The following C10orf143 variants were observed in gnomAD, a reference collection of about 807,000 sequenced individuals.
The protein encoded by C10orf143 is uncharacterized protein C10orf143.
chr10:130,047,363 C>T (rs1244964598), intron 3 of C10orf143, among the ~76,000 whole-genome samples: 2 of 152,188 alleles, frequency 1.3e-5, no homozygotes, highest in African/African-American at 4.8e-5. Context: ...AGTCTGCTCC[C>T]TCGCTCTCTC....
chr10:130,091,779 T>G (rs1861386580), intron 1 of C10orf143, among the ~76,000 whole-genome samples: 1 of 151,942 alleles, frequency 6.6e-6, no homozygotes, highest in Non-Finnish European at 1.5e-5. Flanking sequence ...TACACAAGTA[T>G]CAACAGCCAA....
intron 3 of C10orf143, among the ~76,000 whole-genome samples, chr10:130,057,882 A>G (rs1047989378): frequency 6.6e-6 from 1 of 152,242 alleles, no homozygotes; most frequent in Non-Finnish European, 1.5e-5. Flanking sequence ...GAAACTGAGT[A>G]AGTGGCAGAG....
chr10:130,036,013 T>C (rs914675371), intron 3 of C10orf143: 4 of 152,238 alleles, frequency 2.6e-5, no homozygotes, highest in African/African-American at 9.7e-5. Flanking sequence ...GTTTCTCTTC[T>C]TATAAGGACA....
At chr10:130,068,600 A>C (rs1160929180) in intron 3 of C10orf143, 1 of 115,656 alleles carries the variant, frequency 8.6e-6, no homozygotes, top group Non-Finnish European at 1.7e-5. Context: ...AACGAGAGCA[A>C]AACTCCATCT....
chr10:130,106,854 AT>A (rs1861657701), intron 1 of C10orf143: 1 of 1,145,578 alleles, frequency 8.7e-7, no homozygotes, highest in African/African-American at 1.5e-5. Context: ...CTGACTGAAC[AT>A]TTGCTAAAGA....
chr10:130,101,705 A>G (rs1035713338), intron 1 of C10orf143, among the ~76,000 whole-genome samples: 1 of 151,646 alleles, frequency 6.6e-6, no homozygotes, highest in Admixed American at 6.6e-5. Context: ...TCTCTATAAA[A>G]ATACAAAAAT....
chr10:130,039,869 C>T (rs1860586791), intron 3 of C10orf143, among the ~76,000 whole-genome samples: 1 of 152,106 alleles, frequency 6.6e-6, no homozygotes, highest in Non-Finnish European at 1.5e-5. Flanking sequence ...ATTTGCTGTC[C>T]CCAGAGAGCT....
At chr10:130,106,623 T>C (rs777300203) in intron 1 of C10orf143, 15 of 1,326,452 alleles carry the variant, frequency 1.1e-5, no homozygotes, top group Non-Finnish European at 1.6e-5. Context: ...GCCAAAATGA[T>C]CTTCAAGAGA....
intron 1 of C10orf143, among the ~76,000 whole-genome samples, chr10:130,082,042 T>C (rs957750377): frequency 6.6e-6 from 1 of 151,850 alleles, no homozygotes; most frequent in African/African-American, 2.4e-5. Context: ...CACTCCATAA[T>C]TAAACACAGT....
At chr10:130,073,766 T>C (rs538324011) in intron 3 of C10orf143, among the ~76,000 whole-genome samples, 47 of 152,296 alleles carry the variant, frequency 3.1e-4, no homozygotes, top group Non-Finnish European at 5.9e-4. Flanking sequence ...GCTCCTTCAG[T>C]GCCAGAAAAT....
chr10:130,086,065 T>C (rs1861286463), intron 1 of C10orf143, among the ~76,000 whole-genome samples: 1 of 152,182 alleles, frequency 6.6e-6, no homozygotes, highest in Non-Finnish European at 1.5e-5. Flanking sequence ...AGTCCAGTGT[T>C]TCTAAATTGC....
intron 1 of C10orf143, among the ~76,000 whole-genome samples, chr10:130,080,974 G>A (rs1861197958): frequency 6.6e-6 from 1 of 152,040 alleles, no homozygotes; most frequent in African/African-American, 2.4e-5. Context: ...AGACAATAAA[G>A]GGTTAAATAA....
At chr10:130,109,006 T>A (rs887763053) in intron 1 of C10orf143, among the ~76,000 whole-genome samples, 9 of 152,130 alleles carry the variant, frequency 5.9e-5, no homozygotes, top group African/African-American at 1.9e-4. Context: ...AGGGCTCAAG[T>A]CAACCCCTAC....
chr10:130,054,982 T>C (rs1207874429), intron 3 of C10orf143, among the ~76,000 whole-genome samples: 4 of 152,082 alleles, frequency 2.6e-5, no homozygotes, highest in Non-Finnish European at 1.5e-5. Flanking sequence ...ACAAATGGTA[T>C]TGAGAAAACT....
chr10:130,043,479 GCTT>G (rs2134724550), intron 3 of C10orf143, among the ~76,000 whole-genome samples: 1 of 152,276 alleles, frequency 6.6e-6, no homozygotes, highest in East Asian at 1.9e-4. Flanking sequence ...TCTGTACTGT[GCTT>G]CTCTCTCTGG....
intron 3 of C10orf143, among the ~76,000 whole-genome samples, chr10:130,036,453 A>C (rs367801750): frequency 1.3e-5 from 2 of 152,160 alleles, no homozygotes; most frequent in South Asian, 2.1e-4. Flanking sequence ...CTCAAGGCTC[A>C]GCCCTGGCTC....
intron 1 of C10orf143, chr10:130,106,250 C>A (rs774285577): frequency 6.7e-7 from 1 of 1,491,886 alleles, no homozygotes; most frequent in East Asian, 2.3e-5. Flanking sequence ...GGTTAGGAGT[C>A]GGCTTTATGT....
intron 3 of C10orf143, among the ~76,000 whole-genome samples, chr10:130,053,922 G>A (rs1336366524): frequency 2.0e-5 from 3 of 152,192 alleles, no homozygotes; most frequent in African/African-American, 7.2e-5. Flanking sequence ...GTGGGAGAGT[G>A]AGTGTCTGAA....
intron 3 of C10orf143, among the ~76,000 whole-genome samples, chr10:130,057,518 G>A (rs906827383): frequency 6.6e-6 from 1 of 152,120 alleles, no homozygotes; most frequent in Non-Finnish European, 1.5e-5. Flanking sequence ...GCAACTGGGG[G>A]GCCAGAAGTT....
Sources: allele counts gnomAD v4.1 joint callset (sites outside exome capture counted in the v4.1 genomes callset), GRCh38; gene constraint gnomAD v4.1.1; transcripts MANE v1.5; gene names NCBI Gene and HGNC (gene_info 2026-07-23, HGNC 2026-07-21).